The following DENND1A variants were observed in gnomAD, a reference collection of about 807,000 sequenced individuals.
DENND1A encodes the protein DENN domain-containing protein 1A.
Under a neutral mutation model 113.7 loss-of-function variants are expected in DENND1A, and 51 were observed. That is an observed-to-expected ratio of 0.45 (90% CI 0.36 to 0.57). The LOEUF is 0.57. Among genes scored for constraint, DENND1A ranks in the 20% least tolerant of loss-of-function variants. The pLI, the probability that DENND1A is intolerant of heterozygous loss-of-function variation, is 0.00. For missense variants in DENND1A, 1,258 were observed against 1,395.9 expected (o/e 0.90, Z 1.57); for synonymous variants, 565 against 570.8 (o/e 0.99, Z 0.14).
intron 5 of DENND1A, among the ~76,000 whole-genome samples, chr9:123,738,055 C>T (rs926523929): frequency 2.0e-5 from 3 of 152,170 alleles, no homozygotes; most frequent in Non-Finnish European, 4.4e-5. Context: ...AAACGCTATC[C>T]TGAATGTAAA....
chr9:123,896,910 G>A (rs1372902972), intron 1 of DENND1A, among the ~76,000 whole-genome samples: 1 of 152,216 alleles, frequency 6.6e-6, no homozygotes, highest in Non-Finnish European at 1.5e-5. Flanking sequence ...AGAAGAGGAT[G>A]AGACATAGCC....
intron 2 of DENND1A, among the ~76,000 whole-genome samples, chr9:123,850,168 T>C (rs1421397411): frequency 6.6e-6 from 1 of 152,188 alleles, no homozygotes; most frequent in African/African-American, 2.4e-5. Context: ...AAAATGCTAT[T>C]AAAGAGCATC....
intron 18 of DENND1A, among the ~76,000 whole-genome samples, chr9:123,448,020 A>T (rs1279062359): frequency 6.6e-6 from 1 of 152,228 alleles, no homozygotes; most frequent in Non-Finnish European, 1.5e-5. Context: ...TGAAAATTGA[A>T]AAGGGTGCAC....
chr9:123,618,083 G>C (rs1284401204), intron 10 of DENND1A, among the ~76,000 whole-genome samples: 1 of 152,254 alleles, frequency 6.6e-6, no homozygotes, highest in South Asian at 2.1e-4. Context: ...AGACGAACCC[G>C]CACTTGCTGA....
At chr9:123,755,183 C>A (rs1246554416) in intron 5 of DENND1A, among the ~76,000 whole-genome samples, 1 of 149,708 alleles carries the variant, frequency 6.7e-6, no homozygotes, top group Non-Finnish European at 1.5e-5. Context: ...AGTGAAGTGG[C>A]ATGATCTCAG....
intron 2 of DENND1A, among the ~76,000 whole-genome samples, chr9:123,865,766 C>T (rs1054074688): frequency 1.6e-4 from 24 of 152,038 alleles, no homozygotes; most frequent in African/African-American, 5.8e-4. Flanking sequence ...GGAACTAAAA[C>T]AAGGAAGGAA....
intron 2 of DENND1A, among the ~76,000 whole-genome samples, chr9:123,803,065 T>C (rs1161325762): frequency 6.6e-6 from 1 of 152,248 alleles, no homozygotes; most frequent in Non-Finnish European, 1.5e-5. Context: ...TAAATTCTAT[T>C]GTTATAACTG....
intron 5 of DENND1A, among the ~76,000 whole-genome samples, chr9:123,737,845 G>C (rs1011821706): frequency 6.6e-6 from 1 of 152,150 alleles, no homozygotes; most frequent in Middle Eastern, 3.2e-3. Context: ...CCTCAAATGT[G>C]AGTAAATGGA....
At chr9:123,811,190 C>G (rs1423113441) in intron 2 of DENND1A, among the ~76,000 whole-genome samples, 1 of 152,172 alleles carries the variant, frequency 6.6e-6, no homozygotes, top group Non-Finnish European at 1.5e-5. Context: ...GCCAGATCCA[C>G]CACTTTACCA....
intron 11 of DENND1A, among the ~76,000 whole-genome samples, chr9:123,585,932 G>C (rs762745001): frequency 6.6e-6 from 1 of 152,106 alleles, no homozygotes; most frequent in Non-Finnish European, 1.5e-5. Flanking sequence ...GTAATAAATC[G>C]TGGCTATTAT....
At chr9:123,762,283 G>C (rs1411742960) in intron 4 of DENND1A, among the ~76,000 whole-genome samples, 1 of 152,206 alleles carries the variant, frequency 6.6e-6, no homozygotes, top group East Asian at 1.9e-4. Context: ...CCAGGGCCAA[G>C]ACCAGCCTTA....
intron 14 of DENND1A, 34 bp from the exon 15 acceptor site, chr9:123,457,469 G>C (rs768926837): frequency 2.6e-6 from 4 of 1,545,990 alleles, no homozygotes; most frequent in Non-Finnish European, 3.6e-6. Flanking sequence ...ACAACAGCTC[G>C]TACAAAGAAA....
intron 12 of DENND1A, among the ~76,000 whole-genome samples, chr9:123,564,244 G>A (rs1348331950): frequency 6.6e-6 from 1 of 152,260 alleles, no homozygotes; most frequent in Non-Finnish European, 1.5e-5. Flanking sequence ...CAAGTAGAGT[G>A]TTTTTCCTTT....
intron 15 of DENND1A, 66 bp from the exon 16 acceptor site, chr9:123,454,845 ATTGCTTTTTT>A (rs2047995409): frequency 3.7e-6 from 5 of 1,350,962 alleles, no homozygotes; most frequent in Non-Finnish European, 4.1e-6. Flanking sequence ...AGTCCTTAAA[ATTGCTTTTTT>A]TTTTTTTTTT....
Position 123,884,988 on chromosome 9 carries a change from A to AGC in DENND1A, c.18-5969_18-5968dup, listed in dbSNP as rs201018070. On this transcript the variant is annotated intron_variant, in intron 1 of 23. Transcript: ENST00000394215. ...CCTCCCATCTCCCACCTGACCTGCGAGCGCGCGCGCACACACACACACACA... is the reference window on the plus strand; with the variant it reads ...CCTCCCATCTCCCACCTGACCTGCGAGCGCGCGCGCGCACACACACACACACA... Among the ~76,000 whole-genome samples, 961 of 136,390 alleles carry AGC rather than the reference A, an allele frequency of 7.0e-3. 9 individuals are homozygous for AGC. The highest frequency in any genetic ancestry group is 0.015 in the East Asian group (75 of 4,926). 89.5% of individuals were successfully genotyped at this position (136,390 alleles called of 152,430 possible).
At chr9:123,666,899 ATG>A in intron 8 of DENND1A, 125 bp downstream of exon 8, 7 of 890,890 alleles carry the variant, frequency 7.9e-6, no homozygotes, top group Non-Finnish European at 1.1e-5. Flanking sequence ...TGTTTTTATA[ATG>A]TGTTTTTTAA....
At chr9:123,420,101 A>C (rs2045123176) in intron 19 of DENND1A, among the ~76,000 whole-genome samples, 1 of 152,218 alleles carries the variant, frequency 6.6e-6, no homozygotes, top group Non-Finnish European at 1.5e-5. Context: ...AAGGACTTCC[A>C]CGTCACGCTG....
intron 5 of DENND1A, among the ~76,000 whole-genome samples, chr9:123,729,632 A>G (rs2068008660): frequency 6.6e-6 from 1 of 152,224 alleles, no homozygotes; most frequent in South Asian, 2.1e-4. Context: ...ATGGAAGAAC[A>G]TTCCATCCTC....
intron 1 of DENND1A, among the ~76,000 whole-genome samples, chr9:123,885,337 C>T (rs553384477): frequency 6.6e-6 from 1 of 152,196 alleles, no homozygotes; most frequent in Non-Finnish European, 1.5e-5. Context: ...CATTCTTCCC[C>T]ACTAGACTGG....
Sources: allele counts gnomAD v4.1 joint callset (sites outside exome capture counted in the v4.1 genomes callset), GRCh38; gene constraint gnomAD v4.1.1; transcripts MANE v1.5; gene names NCBI Gene and HGNC (gene_info 2026-07-23, HGNC 2026-07-21).